Variants in LMNTD1 observed in about 807,000 individuals in gnomAD.
The protein encoded by LMNTD1 is lamin tail domain containing 1.
Under a neutral mutation model 50.9 loss-of-function variants are expected in LMNTD1, and 35 were observed. The ratio of observed to expected loss-of-function variants is 0.69; its 90% CI spans 0.53 to 0.91. The LOEUF is 0.91. Ranked by LOEUF, LMNTD1 falls within the 40% of genes least tolerant of loss-of-function variation. LMNTD1 has a pLI of 0.00. For synonymous variants in LMNTD1, 153 were observed against 161.9 expected (o/e 0.94, Z 0.42); for missense variants, 470 against 475.5 (o/e 0.99, Z 0.11).
rs374496363 is a variant in LMNTD1 at position 25,615,617 on chromosome 12, C to T, written c.58+32877G>A. 9.2e-5 allele frequency among the ~76,000 whole-genome samples: 14 copies of T among 152,134 alleles called. No individual in the cohort carries two copies. In the East Asian group the frequency reaches 9.7e-4, roughly 11 times the overall value. On this transcript the variant is annotated intron_variant, in intron 1 of 7. Coordinates refer to the LMNTD1 transcript ENST00000445693. The stretch of plus-strand genomic sequence containing the variant: ...GCTGAGATTCAGGTGTGTGCCACCA[C>T]ACCCAGCTAATTTTTCTATTTTTGG...
chr12:25,589,022 A>C (rs1168324500), intron 1 of LMNTD1, among the ~76,000 whole-genome samples: 1 of 152,208 alleles, frequency 6.6e-6, no homozygotes, highest in Non-Finnish European at 1.5e-5. Context: ...AGAAATTCTT[A>C]CATTGCTAGA....
chr12:25,620,282 G>A (rs566672278), intron 1 of LMNTD1, among the ~76,000 whole-genome samples: 4 of 152,114 alleles, frequency 2.6e-5, no homozygotes, highest in Non-Finnish European at 4.4e-5. Flanking sequence ...TAATGTTAAC[G>A]GAACTCCACA....
At chr12:25,519,070 A>T in intron 7 of LMNTD1, 103 bp from the exon 8 acceptor site, 1 of 1,092,234 alleles carries the variant, frequency 9.2e-7, no homozygotes. Context: ...AAACCAAGAG[A>T]ATATGACTTT....
chr12:25,588,801 A>G (rs1242574543), intron 1 of LMNTD1, among the ~76,000 whole-genome samples: 1 of 152,182 alleles, frequency 6.6e-6, no homozygotes, highest in Non-Finnish European at 1.5e-5. Context: ...AGGAAAGCCT[A>G]TATATCAATA....
chr12:25,506,269 T>C (rs1565947335), intron 8 of LMNTD1, among the ~76,000 whole-genome samples: 1 of 152,184 alleles, frequency 6.6e-6, no homozygotes, highest in Non-Finnish European at 1.5e-5. Context: ...TTTGCCACAC[T>C]CAGAAACAAA....
At position 25,480,590 on chromosome 12, in the gene LMNTD1, CA is replaced by C. The variant is rs371176785; in HGVS notation, c.*23-4131del. Among the ~76,000 whole-genome samples, 53 of 152,298 alleles carry C rather than the reference CA, an allele frequency of 3.5e-4. No individual in the cohort carries two copies. In the South Asian group the frequency reaches 6.2e-3, roughly 18 times the overall value. On this transcript the variant is annotated intron_variant, in intron 9 of 9. Coordinates refer to ENST00000458174, the MANE Select transcript of LMNTD1 (RefSeq NM_001145728.2). ...TCATCTTACTTTGTGCTGCTCTTTC[CA>C]AATACCAAGGATGGTTAAAAACCTA...
intron 9 of LMNTD1, chr12:25,497,533 C>T (rs1939129793): frequency 6.5e-6 from 1 of 152,748 alleles, no homozygotes; most frequent in Admixed American, 6.5e-5. Flanking sequence ...CATGGTGGCT[C>T]ATGCGTGTAA....
intron 1 of LMNTD1, among the ~76,000 whole-genome samples, chr12:25,606,816 G>A (rs899488817): frequency 5.3e-5 from 8 of 152,124 alleles, no homozygotes; most frequent in African/African-American, 1.9e-4. Context: ...GTCTCTGCCA[G>A]GCTTTGGTAT....
chr12:25,631,626 G>A (rs1165769930), intron 1 of LMNTD1, among the ~76,000 whole-genome samples: 1 of 152,138 alleles, frequency 6.6e-6, no homozygotes. Flanking sequence ...GGAACACCCC[G>A]TGGGACAAAA....
At chr12:25,555,205 A>T (rs1943992003), upstream of LMNTD1, among the ~76,000 whole-genome samples, 1 of 152,028 alleles carries the variant, frequency 6.6e-6, no homozygotes. Context: ...TTCCGGAAAG[A>T]CTCTATATTG....
intron 1 of LMNTD1, among the ~76,000 whole-genome samples, chr12:25,606,768 A>G (rs1425940164): frequency 6.6e-6 from 1 of 152,214 alleles, no homozygotes; most frequent in Non-Finnish European, 1.5e-5. Context: ...ATCAATGTTC[A>G]TCAAGGGTAT....
chr12:25,618,792 A>G (rs921148240), intron 1 of LMNTD1, among the ~76,000 whole-genome samples: 1 of 152,216 alleles, frequency 6.6e-6, no homozygotes, highest in African/African-American at 2.4e-5. Context: ...ATAAGCCTAA[A>G]TAAGCTTCAA....
chr12:25,606,476 G>A (rs1486055108), intron 1 of LMNTD1, among the ~76,000 whole-genome samples: 1 of 152,050 alleles, frequency 6.6e-6, no homozygotes, highest in Non-Finnish European at 1.5e-5. Flanking sequence ...GTTTGTCATA[G>A]ATAGCACTTA....
intron 9 of LMNTD1, chr12:25,497,797 GA>G (rs5797135): frequency 0.28 from 39,704 of 144,290 alleles, 5,439 homozygotes; most frequent in Middle Eastern, 0.36. Flanking sequence ...GACTCCATCT[GA>G]AAAAAAAAAA....
chr12:25,616,144 T>C (rs896256843), intron 1 of LMNTD1, among the ~76,000 whole-genome samples: 1 of 151,894 alleles, frequency 6.6e-6, no homozygotes, highest in Non-Finnish European at 1.5e-5. Context: ...AGAAGGCTTA[T>C]GAAGTAAATC....
intron 1 of LMNTD1, among the ~76,000 whole-genome samples, chr12:25,646,912 C>A (rs1228164413): frequency 6.6e-6 from 1 of 152,154 alleles, no homozygotes; most frequent in Non-Finnish European, 1.5e-5. Context: ...GAAAACTTCT[C>A]TATGACATGG....
chr12:25,546,911 A>T (rs1943470058), intron 3 of LMNTD1, among the ~76,000 whole-genome samples: 1 of 151,714 alleles, frequency 6.6e-6, no homozygotes, highest in African/African-American at 2.4e-5. Context: ...GATATGTTAC[A>T]TATAAATATA....
chr12:25,489,629 T>C (rs1938819895), intron 9 of LMNTD1, among the ~76,000 whole-genome samples: 2 of 151,946 alleles, frequency 1.3e-5, no homozygotes, highest in Non-Finnish European at 2.9e-5. Context: ...GAGCTGTTCC[T>C]ATTCGGCCAT....
At chr12:25,483,071 C>T (rs752626107) in intron 9 of LMNTD1, among the ~76,000 whole-genome samples, 1 of 151,930 alleles carries the variant, frequency 6.6e-6, no homozygotes, top group Non-Finnish European at 1.5e-5. Context: ...GTTTACCTTG[C>T]ATTTTAACAC....
Sources: allele counts gnomAD v4.1 joint callset (sites outside exome capture counted in the v4.1 genomes callset), GRCh38; gene constraint gnomAD v4.1.1; transcripts MANE v1.5; gene names NCBI Gene and HGNC (gene_info 2026-07-23, HGNC 2026-07-21).